The following KAZN variants were observed in gnomAD, a reference collection of about 807,000 sequenced individuals.
KAZN encodes the protein kazrin.
KAZN carries 40 observed loss-of-function variants against 87.4 expected under a neutral mutation model. That is an observed-to-expected ratio of 0.46 (90% CI 0.36 to 0.60). KAZN has a LOEUF of 0.60. Among genes scored for constraint, KAZN ranks in the 20% least tolerant of loss-of-function variants. The pLI is 0.00. For missense variants in KAZN, 898 were observed against 1,073.9 expected (o/e 0.84, Z 2.29); for synonymous variants, 466 against 458.3 (o/e 1.02, Z -0.22).
intron 1 of KAZN, among the ~76,000 whole-genome samples, chr1:14,609,976 G>A (rs765752637): frequency 2.2e-4 from 33 of 152,198 alleles, no homozygotes; most frequent in Non-Finnish European, 4.6e-4. Flanking sequence ...CCTTCGCTGG[G>A]CCACGCCCTC....
At chr1:14,068,342 A>G (rs1029237776) in intron 1 of KAZN, among the ~76,000 whole-genome samples, 2 of 152,216 alleles carry the variant, frequency 1.3e-5, no homozygotes, top group East Asian at 1.9e-4. Flanking sequence ...CTTGCTAGAT[A>G]GTTTTCTCAT....
At chr1:14,921,128 T>G (rs1658465706) in intron 1 of KAZN, among the ~76,000 whole-genome samples, 1 of 150,076 alleles carries the variant, frequency 6.7e-6, no homozygotes, top group South Asian at 2.1e-4. Flanking sequence ...CCCACTGCCA[T>G]CTGCAGTCCT....
chr1:14,396,745 T>A (rs151166151), intron 2 of KAZN, among the ~76,000 whole-genome samples: 1 of 152,168 alleles, frequency 6.6e-6, no homozygotes, highest in Non-Finnish European at 1.5e-5. Flanking sequence ...GTCATAAACA[T>A]CTACAATAAA....
chr1:14,071,037 C>G (rs1426843701), intron 1 of KAZN, among the ~76,000 whole-genome samples: 1 of 152,092 alleles, frequency 6.6e-6, no homozygotes. Context: ...TTTCACTGGG[C>G]TGATTGTCAC....
rs146230014 is a variant in KAZN at position 14,051,434 on chromosome 1, G to A, written c.92-129001G>A. ...TTTTTAATTCTTGTTCATCTACCAC[G>A]CCTGCTCTCTTAAGGGTAAAGCACA... On this transcript the variant is annotated intron_variant, in intron 1 of 16. Coordinates refer to the KAZN transcript ENST00000636203. 9.9e-3 allele frequency among the ~76,000 whole-genome samples: 1,513 copies of A among 152,122 alleles called. 22 individuals are homozygous for A. Among genetic ancestry groups the A allele is most frequent in the African/African-American group, 0.035 (1,445 of 41,486 alleles).
At chr1:13,945,298 A>AC (rs34970535) in intron 1 of KAZN, among the ~76,000 whole-genome samples, 1 of 151,568 alleles carries the variant, frequency 6.6e-6, no homozygotes, top group African/African-American at 2.4e-5. Flanking sequence ...ACATGGTGAA[A>AC]CCCCCATCTC....
chr1:14,446,675 A>G (rs1486897901), intron 2 of KAZN, among the ~76,000 whole-genome samples: 1 of 152,126 alleles, frequency 6.6e-6, no homozygotes, highest in Non-Finnish European at 1.5e-5. Context: ...CTTGAACCCT[A>G]GGTGAGAGGG....
At chr1:14,798,836 C>G (rs1281606326) in intron 1 of KAZN, among the ~76,000 whole-genome samples, 3 of 152,248 alleles carry the variant, frequency 2.0e-5, no homozygotes, top group Non-Finnish European at 4.4e-5. Context: ...TCTCGGCTCA[C>G]TGCAGCCTCT....
At chr1:14,547,717 G>C (rs1557791655) in intron 2 of KAZN, among the ~76,000 whole-genome samples, 7 of 152,074 alleles carry the variant, frequency 4.6e-5, no homozygotes, top group Admixed American at 2.6e-4. Flanking sequence ...CAAGTAGCTG[G>C]AACTACAGGT....
At chr1:14,914,957 G>C (rs894604025) in intron 1 of KAZN, among the ~76,000 whole-genome samples, 24 of 152,160 alleles carry the variant, frequency 1.6e-4, no homozygotes, top group African/African-American at 5.8e-4. Context: ...TTGGGAGGCT[G>C]AGGCGGGCGG....
chr1:14,268,676 A>G (rs1274831944), intron 2 of KAZN, among the ~76,000 whole-genome samples: 1 of 152,184 alleles, frequency 6.6e-6, no homozygotes, highest in Admixed American at 6.5e-5. Flanking sequence ...ATATATGTAT[A>G]TATGCGACCA....
chr1:14,789,786 A>T, intron 1 of KAZN, among the ~76,000 whole-genome samples: 1 of 141,444 alleles, frequency 7.1e-6, no homozygotes, highest in Admixed American at 7.2e-5. Context: ...AAAAAAAAAA[A>T]AAAAAAAAAA....
chr1:14,363,012 C>T (rs1659650346), intron 2 of KAZN, among the ~76,000 whole-genome samples: 1 of 152,138 alleles, frequency 6.6e-6, no homozygotes, highest in Admixed American at 6.5e-5. Flanking sequence ...TGTATCTCAC[C>T]TCATTTCTCC....
intron 2 of KAZN, among the ~76,000 whole-genome samples, chr1:14,555,927 T>C (rs1673835516): frequency 6.6e-6 from 1 of 152,090 alleles, no homozygotes; most frequent in Non-Finnish European, 1.5e-5. Flanking sequence ...GAAATCAAGA[T>C]TTAGGTGGCC....
chr1:14,477,856 G>A (rs998979020), intron 2 of KAZN, among the ~76,000 whole-genome samples: 1 of 152,172 alleles, frequency 6.6e-6, no homozygotes, highest in South Asian at 2.1e-4. Context: ...GAATGGGGCC[G>A]TGGAGTCGGC....
At chr1:13,916,054 G>T (rs1189980040) in intron 1 of KAZN, among the ~76,000 whole-genome samples, 1 of 152,164 alleles carries the variant, frequency 6.6e-6, no homozygotes, top group Non-Finnish European at 1.5e-5. Context: ...AACCAGTAAG[G>T]TCTTTGAGCT....
intron 1 of KAZN, among the ~76,000 whole-genome samples, chr1:14,819,615 T>C (rs1168580429): frequency 6.6e-6 from 1 of 151,166 alleles, no homozygotes; most frequent in African/African-American, 2.4e-5. Flanking sequence ...AGACTGCGGC[T>C]CCAAATCCTG....
chr1:14,002,242 A>T (rs537162929), intron 1 of KAZN, among the ~76,000 whole-genome samples: 3 of 152,338 alleles, frequency 2.0e-5, no homozygotes, highest in African/African-American at 7.2e-5. Flanking sequence ...CAACAAACAT[A>T]TGAAAAAAAG....
chr1:14,642,605 A>T (rs553292253), intron 1 of KAZN, among the ~76,000 whole-genome samples: 1 of 152,164 alleles, frequency 6.6e-6, no homozygotes, highest in South Asian at 2.1e-4. Context: ...AATAGGAGAA[A>T]TAAGTTCTAG....
Sources: allele counts gnomAD v4.1 joint callset (sites outside exome capture counted in the v4.1 genomes callset), GRCh38; gene constraint gnomAD v4.1.1; transcripts MANE v1.5; gene names NCBI Gene and HGNC (gene_info 2026-07-23, HGNC 2026-07-21).